CALB1: variants seen among roughly 807,000 people sequenced by gnomAD.
CALB1 encodes calbindin 1, also known as calbindin.
In CALB1, 16 loss-of-function variants were observed where a neutral mutation model predicts 46.7. That is an observed-to-expected ratio of 0.34 (90% CI 0.23 to 0.52). CALB1 has a LOEUF of 0.52. Ranked by LOEUF, CALB1 falls within the 20% of genes least tolerant of loss-of-function variation. The probability of loss-of-function intolerance (pLI) is 0.95; values close to 1 mark genes in which losing one functional copy is unlikely to be tolerated. For synonymous variants in CALB1, 90 were observed against 112.8 expected (o/e 0.80, Z 1.28); for missense variants, 224 against 300.3 (o/e 0.75, Z 1.88).
chr8:90,063,382 AT>A, intron 7 of CALB1, 23 bp downstream of exon 7: 1 of 1,601,316 alleles, frequency 6.2e-7, no homozygotes, highest in Non-Finnish European at 8.5e-7. Context: ...CACTTACAAT[AT>A]TTTTCATGGT....
At chr8:90,060,840 A>G in intron 9 of CALB1, 140 bp from the exon 10 acceptor site, 2 of 711,524 alleles carry the variant, frequency 2.8e-6, no homozygotes, top group African/African-American at 1.8e-5. Context: ...CAGGCCACCC[A>G]AGTTTTTAGC....
At chr8:90,064,776 G>T (rs1181219080) in intron 6 of CALB1, among the ~76,000 whole-genome samples, 1 of 151,764 alleles carries the variant, frequency 6.6e-6, no homozygotes, top group East Asian at 1.9e-4. Context: ...AATTAAAGAT[G>T]ACCATGAAAA....
Position 90,069,215 on chromosome 8 carries a change from T to G in CALB1, c.254A>C (p.Glu85Ala). 4 of 1,613,934 alleles carry G rather than the reference T, an allele frequency of 2.5e-6. No homozygotes were observed. The highest frequency in any genetic ancestry group is 3.4e-6 in the Non-Finnish European group (4 of 1,179,874). The change falls in exon 4 of 11, where the codon GAA becomes GCA. Residue 85 changes from glutamate (E) to alanine (A), a missense_variant. Coordinates refer to ENST00000265431, the MANE Select transcript of CALB1 (RefSeq NM_004929.4). Reference sequence around the variant, plus strand: ...TCGGAAGAGCAGCAGGAAATTCTCTTCTGTGGGTAATACGTGAGCCAACTG... The same window carrying G: ...TCGGAAGAGCAGCAGGAAATTCTCTGCTGTGGGTAATACGTGAGCCAACTG... ...IVELAHVLPT[E>A]ENFLLLFRCQ...
chr8:90,070,434 C>CT (rs978361778), intron 3 of CALB1, among the ~76,000 whole-genome samples: 2 of 152,056 alleles, frequency 1.3e-5, no homozygotes, highest in East Asian at 1.9e-4. Context: ...ACTATCATAA[C>CT]TTTTTTTAAA....
chr8:90,067,588 T>C (rs1263437690), intron 5 of CALB1, among the ~76,000 whole-genome samples: 2 of 152,184 alleles, frequency 1.3e-5, no homozygotes, highest in African/African-American at 4.8e-5. Flanking sequence ...GAGGATAAAA[T>C]TGAGTATGTT....
Position 90,060,621 on chromosome 8 carries a change from T to G in CALB1, c.672+8A>C. 6.2e-7 allele frequency: 1 copy of G among 1,610,626 alleles called. No individual in the cohort carries two copies. The highest frequency in any genetic ancestry group is 8.5e-7 in the Non-Finnish European group (1 of 1,176,826). ...TTAAAGAAGTAAGTGCCATGGTAAC[T>G]AAGTTACCTGTTTATTCTTCTCGCA... On this transcript the variant is annotated splice_region_variant and intron_variant, in intron 10 of 10. Transcript: ENST00000265431.
In CALB1 at chr8:90,058,983, T is replaced by G. The variant is rs1414239613; in HGVS notation, c.*1190A>C. ...TATCAACTATAACCAGTATAGGATATTCTAGCTACAAATATGTGAAACTGA... is the reference window on the plus strand; with the variant it reads ...TATCAACTATAACCAGTATAGGATAGTCTAGCTACAAATATGTGAAACTGA... On this transcript the variant is annotated 3_prime_UTR_variant, in exon 11 of 11. Transcript: ENST00000265431. 2 of 152,234 alleles carry G rather than the reference T, an allele frequency of 1.3e-5. No individual in the cohort carries two copies. The highest frequency in any genetic ancestry group is 6.5e-5 in the Admixed American group (1 of 15,282). 9.4% of individuals were successfully genotyped at this position (152,234 alleles called of 1,614,324 possible).
At chr8:90,082,514 G>T (rs1207831028) in intron 1 of CALB1, 105 bp downstream of exon 1, 3 of 923,756 alleles carry the variant, frequency 3.2e-6, no homozygotes, top group African/African-American at 1.6e-5. Context: ...AAGAAGTAAA[G>T]AATAGAAAGG....
At chr8:90,076,343 G>T (rs924421315) in intron 3 of CALB1, among the ~76,000 whole-genome samples, 4 of 151,976 alleles carry the variant, frequency 2.6e-5, no homozygotes, top group African/African-American at 4.8e-5. Context: ...TAGTTTGGGG[G>T]AACATGGCTG....
At position 90,077,617 on chromosome 8, in the gene CALB1, G is replaced by A. The variant is rs78884791; in HGVS notation, c.231+756C>T. ...GGCTAAGACACCACAGGCTGGAAAC[G>A]TAGATATAAGGGAAGCAACAGCTCT... On this transcript the variant is annotated intron_variant, in intron 3 of 10. Coordinates refer to ENST00000265431, the MANE Select transcript of CALB1 (RefSeq NM_004929.4). Among the ~76,000 whole-genome samples, 759 of 152,136 alleles carry A rather than the reference G, an allele frequency of 5.0e-3. 8 individuals carry two copies. Among genetic ancestry groups the A allele is most frequent in the African/African-American group, 0.017 (692 of 41,554 alleles).
chr8:90,072,787 C>T (rs1006868773), intron 3 of CALB1, among the ~76,000 whole-genome samples: 1 of 152,068 alleles, frequency 6.6e-6, no homozygotes, highest in African/African-American at 2.4e-5. Flanking sequence ...ATAGAAGTAT[C>T]CAATACTTCT....
At position 90,063,389 on chromosome 8, in the gene CALB1, A is replaced by G; in HGVS notation, c.506+17T>C. The G allele has an allele frequency of 6.2e-7, 1 of 1,604,002 alleles. No homozygotes were observed. Among genetic ancestry groups the G allele is most frequent in the Non-Finnish European group, 8.5e-7 (1 of 1,172,652 alleles). ...AAAGGATCCACTTACAATATTTTTC[A>G]TGGTTCCTAAACTCACCTGGCCATC... On this transcript the variant is annotated intron_variant, in intron 7 of 10. Transcript: ENST00000265431.
chr8:90,063,329 A>C lies in CALB1; in HGVS notation c.507-9T>G. The C allele has an allele frequency of 6.3e-7, 1 of 1,592,034 alleles. No homozygotes were observed. The highest frequency in any genetic ancestry group is 8.6e-7 in the Non-Finnish European group (1 of 1,163,210). On this transcript the variant is annotated splice_polypyrimidine_tract_variant and intron_variant, in intron 7 of 10. Transcript: ENST00000265431. ...CCTGCACTGGTAGTAACCTTTTGAGAGAAAAACATTATATTAATATATTAC... is the reference window on the plus strand; with the variant it reads ...CCTGCACTGGTAGTAACCTTTTGAGCGAAAAACATTATATTAATATATTAC...
chr8:90,061,120 C>T (rs997911643), intron 9 of CALB1: 3 of 155,786 alleles, frequency 1.9e-5, no homozygotes, highest in African/African-American at 7.2e-5. Context: ...CACAAATAAC[C>T]TTTATTTTGC....
intron 3 of CALB1, among the ~76,000 whole-genome samples, chr8:90,071,765 A>G (rs1412632092): frequency 6.6e-6 from 1 of 152,208 alleles, no homozygotes. Context: ...ACATTTTATT[A>G]TGTTTTTTTC....
chr8:90,075,703 A>G (rs1438009798), intron 3 of CALB1, among the ~76,000 whole-genome samples: 3 of 151,946 alleles, frequency 2.0e-5, no homozygotes, highest in Non-Finnish European at 4.4e-5. Flanking sequence ...TTTAATTTCT[A>G]TTTCCCAATT....
chr8:90,070,837 AGTGTGTGT>A (rs35368479), intron 3 of CALB1, among the ~76,000 whole-genome samples: 1,653 of 121,720 alleles, frequency 0.014, 22 homozygotes, highest in Admixed American at 0.053. Flanking sequence ...GCATCATTGC[AGTGTGTGT>A]GTGTGTGTGT....
At chr8:90,072,042 TA>T (rs1770573269) in intron 3 of CALB1, among the ~76,000 whole-genome samples, 1 of 152,208 alleles carries the variant, frequency 6.6e-6, no homozygotes, top group Non-Finnish European at 1.5e-5. Flanking sequence ...AGAATTGAGT[TA>T]TTTTTTGCTT....
In CALB1 at chr8:90,065,963, C is replaced by A; in HGVS notation, c.385G>T (p.Asp129Tyr). Residue 129 changes from aspartate (D) to tyrosine (Y), a missense_variant, in exon 6 of 11, where the codon GAC becomes TAC. Transcript: ENST00000265431. ...ETEELKNFLK[D>Y]LLEKANKTVD... ...GTCTTGTTTGCTTTTTCTAGCAGGT[C>A]CTTTAGAAAGTTCTGTTAAAACAAA... 6.2e-7 allele frequency: 1 copy of A among 1,608,086 alleles called. No homozygotes were observed. Among genetic ancestry groups the A allele is most frequent in the South Asian group, 1.1e-5 (1 of 90,896 alleles).
Sources: allele counts gnomAD v4.1 joint callset (sites outside exome capture counted in the v4.1 genomes callset), GRCh38; gene constraint gnomAD v4.1.1; transcripts MANE v1.5; gene names NCBI Gene and HGNC (gene_info 2026-07-23, HGNC 2026-07-21).